The following SEMA3E variants were observed in gnomAD, a reference collection of about 807,000 sequenced individuals.
SEMA3E encodes the protein semaphorin 3E, also known as semaphorin-3E.
Under a neutral mutation model 93.6 loss-of-function variants are expected in SEMA3E, and 49 were observed. That is an observed-to-expected ratio of 0.52 (90% CI 0.42 to 0.66). SEMA3E has a LOEUF of 0.66. Among genes scored for constraint, SEMA3E ranks in the 30% least tolerant of loss-of-function variants. The probability of loss-of-function intolerance (pLI) is 0.00; values close to 1 mark genes in which losing one functional copy is unlikely to be tolerated. For synonymous variants in SEMA3E, 363 were observed against 330.7 expected, an observed-to-expected ratio of 1.10 and a Z score of -1.06; for missense variants, 906 against 964.8, an observed-to-expected ratio of 0.94 and a Z score of 0.81.
At chr7:83,376,787 T>C (rs187564769) in intron 16 of SEMA3E, among the ~76,000 whole-genome samples, 1 of 152,072 alleles carries the variant, frequency 6.6e-6, no homozygotes, top group African/African-American at 2.4e-5. Flanking sequence ...GTCTATATAA[T>C]GCATACAATT....
chr7:83,547,013 A>G (rs892322027), intron 1 of SEMA3E, among the ~76,000 whole-genome samples: 1 of 152,126 alleles, frequency 6.6e-6, no homozygotes, highest in Non-Finnish European at 1.5e-5. Context: ...AATGATAAGC[A>G]ATGATAAGCA....
At chr7:83,530,120 A>T (rs1791256711) in intron 1 of SEMA3E, among the ~76,000 whole-genome samples, 2 of 152,168 alleles carry the variant, frequency 1.3e-5, no homozygotes, top group African/African-American at 2.4e-5. Flanking sequence ...ACTTACATTC[A>T]GTGGGCACAG....
intron 16 of SEMA3E, among the ~76,000 whole-genome samples, chr7:83,371,070 T>C (rs1289929367): frequency 6.6e-6 from 1 of 152,170 alleles, no homozygotes; most frequent in African/African-American, 2.4e-5. Flanking sequence ...AGCTCTTTTT[T>C]CTATAAGGAT....
At chr7:83,575,595 T>C (rs1792382776) in intron 1 of SEMA3E, among the ~76,000 whole-genome samples, 1 of 152,166 alleles carries the variant, frequency 6.6e-6, no homozygotes, top group Non-Finnish European at 1.5e-5. Context: ...TTGTTTATTT[T>C]TATGTCAGCC....
chr7:83,544,536 G>A (rs1791605048), intron 1 of SEMA3E, among the ~76,000 whole-genome samples: 1 of 152,138 alleles, frequency 6.6e-6, no homozygotes, highest in African/African-American at 2.4e-5. Context: ...CAGACACTAA[G>A]TGCTCACATG....
rs1312023868 is a variant in SEMA3E, at chr7:83,365,540, A to G, written c.*2046T>C. 6.6e-6 allele frequency: 1 copy of G among 152,176 alleles called. No homozygotes were observed. Among genetic ancestry groups the G allele is most frequent in the Non-Finnish European group, 1.5e-5 (1 of 68,016 alleles). The allele number at this position is 152,176 out of a possible 1,614,324, so 9.4% of individuals were successfully genotyped here. A position where few individuals can be genotyped will look rare whatever the true frequency, so the allele number is the denominator to read the frequency against. On this transcript the variant is annotated 3_prime_UTR_variant, in exon 17 of 17. Transcript: ENST00000643230. ...TTATTTTAATCAAACGCTCTTCAGTATATGGACTTCTTATGACTTGTGTCA... is the reference window on the plus strand; with the variant it reads ...TTATTTTAATCAAACGCTCTTCAGTGTATGGACTTCTTATGACTTGTGTCA...
At chr7:83,542,528 A>G (rs1791557762) in intron 1 of SEMA3E, among the ~76,000 whole-genome samples, 1 of 152,160 alleles carries the variant, frequency 6.6e-6, no homozygotes, top group Non-Finnish European at 1.5e-5. Context: ...TTTATTTCCT[A>G]TATGACTTTG....
intron 16 of SEMA3E, chr7:83,371,910 C>A: frequency 5.5e-6 from 1 of 182,020 alleles, no homozygotes; most frequent in Non-Finnish European, 1.1e-5. Flanking sequence ...CTTTTTGTAA[C>A]ACAATACCAT....
chr7:83,373,443 T>C (rs1794776935), intron 16 of SEMA3E, among the ~76,000 whole-genome samples: 1 of 152,084 alleles, frequency 6.6e-6, no homozygotes, highest in South Asian at 2.1e-4. Flanking sequence ...TTACAGAAAA[T>C]ATACCTAATA....
chr7:83,419,739 A>C (rs1788635413), intron 4 of SEMA3E, among the ~76,000 whole-genome samples: 1 of 150,230 alleles, frequency 6.7e-6, no homozygotes, highest in African/African-American at 2.4e-5. Context: ...TTTTAGAAGT[A>C]CCTGTTTATA....
intron 1 of SEMA3E, among the ~76,000 whole-genome samples, chr7:83,500,352 C>T (rs1790571382): frequency 6.6e-6 from 1 of 151,996 alleles, no homozygotes; most frequent in Non-Finnish European, 1.5e-5. Context: ...AGGAGAATTG[C>T]TTGAACCCGA....
intron 14 of SEMA3E, 47 bp from the exon 15 acceptor site, chr7:83,387,097 A>T: frequency 6.5e-7 from 1 of 1,548,182 alleles, no homozygotes; most frequent in Non-Finnish European, 8.9e-7. Flanking sequence ...TCAATTTTCC[A>T]GACTTTAAAA....
Position 83,526,593 on chromosome 7 carries a change from T to G in SEMA3E, c.116-36319A>C, listed in dbSNP as rs572927918. ...GATTCCATGGAACAAATCAAGTTTT[T>G]TCTTGATTTGTGCCTTTGTGGGATT... On this transcript the variant is annotated intron_variant, in intron 1 of 16. Transcript: ENST00000643230. Among the ~76,000 whole-genome samples, 3 of 152,240 alleles carry G rather than the reference T, an allele frequency of 2.0e-5. No homozygotes were observed. The South Asian group carries it at 6.2e-4, about 32-fold the overall frequency.
At chr7:83,548,917 A>G (rs1791706062) in intron 1 of SEMA3E, among the ~76,000 whole-genome samples, 2 of 152,030 alleles carry the variant, frequency 1.3e-5, no homozygotes, top group South Asian at 2.1e-4. Context: ...TAAACTCTCA[A>G]CATTTAGGAT....
At chr7:83,430,204 C>G (rs1013812700) in intron 4 of SEMA3E, among the ~76,000 whole-genome samples, 1 of 152,096 alleles carries the variant, frequency 6.6e-6, no homozygotes, top group Non-Finnish European at 1.5e-5. Flanking sequence ...GTGGCTCATG[C>G]TTGTAATCCC....
rs181291627 is a variant in SEMA3E at position 83,430,401 on chromosome 7, G to A, written c.457-11918C>T. Reference sequence around the variant, plus strand: ...AATGACTTGAACCCAGGAGACAGAGGTTACAGTGAGCCAAAATCCCGCCAC... The same window carrying A: ...AATGACTTGAACCCAGGAGACAGAGATTACAGTGAGCCAAAATCCCGCCAC... On this transcript the variant is annotated intron_variant, in intron 4 of 16. Transcript: ENST00000643230. Among the ~76,000 whole-genome samples the A allele has an allele frequency of 8.6e-4, 130 of 151,972 alleles. 1 individual carries two copies. Among genetic ancestry groups the A allele is most frequent in the African/African-American group, 2.9e-3 (120 of 41,454 alleles).
At position 83,597,132 on chromosome 7, in the gene SEMA3E, A is replaced by T. The variant is rs565811987; in HGVS notation, c.115+51296T>A. Among the ~76,000 whole-genome samples the T allele has an allele frequency of 8.4e-4, 128 of 152,216 alleles. 3 individuals carry two copies. Among genetic ancestry groups the T allele is most frequent in the South Asian group, 1.0e-3 (5 of 4,830 alleles). On this transcript the variant is annotated intron_variant, in intron 1 of 16. Transcript: ENST00000643230. ...TATCTATTTTATGGATATCACCCACATATCTATACTCCTGGAAAGGGACAT... is the reference window on the plus strand; with the variant it reads ...TATCTATTTTATGGATATCACCCACTTATCTATACTCCTGGAAAGGGACAT...
chr7:83,548,178 G>T (rs867204700), intron 1 of SEMA3E, among the ~76,000 whole-genome samples: 5 of 152,028 alleles, frequency 3.3e-5, no homozygotes, highest in African/African-American at 9.7e-5. Flanking sequence ...ATGTTTAAGA[G>T]ATTTTAGAGA....
intron 1 of SEMA3E, among the ~76,000 whole-genome samples, chr7:83,545,017 C>A (rs1281015227): frequency 6.6e-6 from 1 of 151,888 alleles, no homozygotes; most frequent in Non-Finnish European, 1.5e-5. Context: ...CTAATAAATG[C>A]TACAATTTAA....
Sources: allele counts gnomAD v4.1 joint callset (sites outside exome capture counted in the v4.1 genomes callset), GRCh38; gene constraint gnomAD v4.1.1; transcripts MANE v1.5; gene names NCBI Gene and HGNC (gene_info 2026-07-23, HGNC 2026-07-21).